CRACR2A: variants seen among roughly 807,000 people sequenced by gnomAD.
CRACR2A encodes the protein EF-hand calcium-binding domain-containing protein 4B.
CRACR2A carries 79 observed loss-of-function variants against 90.5 expected under a neutral mutation model. That is an observed-to-expected ratio of 0.87 (90% confidence interval 0.73 to 1.05). The LOEUF is 1.05. Among genes scored for constraint, CRACR2A ranks in the 50% least tolerant of loss-of-function variants. The pLI, the probability that CRACR2A is intolerant of heterozygous loss-of-function variation, is 0.00. For missense variants in CRACR2A, 823 were observed against 897.2 expected, an observed-to-expected ratio of 0.92 and a Z score of 1.06; for synonymous variants, 338 against 356.7, an observed-to-expected ratio of 0.95 and a Z score of 0.59.
intron 2 of CRACR2A, among the ~76,000 whole-genome samples, chr12:3,722,532 G>T (rs914234470): frequency 2.6e-5 from 4 of 152,116 alleles, no homozygotes; most frequent in African/African-American, 9.7e-5. Flanking sequence ...TGTGGAGCGA[G>T]GCTGGCATCT....
intron 18 of CRACR2A, among the ~76,000 whole-genome samples, chr12:3,617,519 T>C (rs1490128176): frequency 6.6e-6 from 1 of 152,202 alleles, no homozygotes; most frequent in Non-Finnish European, 1.5e-5. Flanking sequence ...TGGCATTCCA[T>C]AGGCCTTGGG....
intron 4 of CRACR2A, among the ~76,000 whole-genome samples, chr12:3,686,990 C>G (rs1352159892): frequency 6.6e-6 from 1 of 152,110 alleles, no homozygotes; most frequent in Non-Finnish European, 1.5e-5. Context: ...TGATTAAAAA[C>G]AGCTTAAGCA....
At chr12:3,692,513 G>C (rs1169407191) in intron 4 of CRACR2A, among the ~76,000 whole-genome samples, 1 of 151,036 alleles carries the variant, frequency 6.6e-6, no homozygotes, top group Non-Finnish European at 1.5e-5. Flanking sequence ...CACGCTGGGG[G>C]TGGGGGTGGG....
intron 7 of CRACR2A, among the ~76,000 whole-genome samples, chr12:3,668,751 C>T (rs1199753952): frequency 6.6e-6 from 1 of 152,182 alleles, no homozygotes; most frequent in African/African-American, 2.4e-5. Context: ...TGCACTCCCT[C>T]CTGGACTGGA....
At chr12:3,715,088 A>C (rs777153712) in intron 2 of CRACR2A, among the ~76,000 whole-genome samples, 15 of 152,226 alleles carry the variant, frequency 9.9e-5, no homozygotes, top group Non-Finnish European at 1.9e-4. Flanking sequence ...TAATTAATTC[A>C]TGCATTTATT....
intron 3 of CRACR2A, among the ~76,000 whole-genome samples, chr12:3,703,176 A>G (rs56180512): frequency 6.6e-6 from 1 of 152,012 alleles, no homozygotes; most frequent in South Asian, 2.1e-4. Flanking sequence ...TGCAAGCTCC[A>G]CCTCCCAGGT....
At chr12:3,619,175 C>A in intron 18 of CRACR2A, 96 bp downstream of exon 18, 1 of 965,268 alleles carries the variant, frequency 1.0e-6, no homozygotes. Context: ...TCCCATGGCA[C>A]TTCCAGAGAA....
chr12:3,678,842 A>G (rs1945387167), intron 6 of CRACR2A, 73 bp downstream of exon 6: 1 of 1,477,098 alleles, frequency 6.8e-7, no homozygotes, highest in African/African-American at 1.4e-5. Flanking sequence ...AACAAATGTT[A>G]ATTGTTGAAT....
At chr12:3,623,175 G>A (rs1002466811) in intron 17 of CRACR2A, among the ~76,000 whole-genome samples, 8 of 152,358 alleles carry the variant, frequency 5.3e-5, no homozygotes, top group Non-Finnish European at 1.5e-5. Context: ...TCTAGATCGG[G>A]TGGTGCTGCT....
intron 7 of CRACR2A, among the ~76,000 whole-genome samples, chr12:3,660,894 G>T (rs572208161): frequency 2.9e-5 from 4 of 137,300 alleles, no homozygotes; most frequent in South Asian, 2.3e-4. Flanking sequence ...ACACAATTTT[G>T]GCCCCTGCCA....
At chr12:3,745,261 T>G (rs369183582) in intron 1 of CRACR2A, among the ~76,000 whole-genome samples, 132 of 152,284 alleles carry the variant, frequency 8.7e-4, no homozygotes, top group African/African-American at 3.1e-3. Flanking sequence ...CTAGAGGTTC[T>G]TCTGCTGAAC....
At chr12:3,619,118 A>G (rs17770223) in intron 18 of CRACR2A, among the ~76,000 whole-genome samples, 153 bp downstream of exon 18, 9,709 of 152,244 alleles carry the variant, frequency 0.064, 359 homozygotes, top group Middle Eastern at 0.12. Context: ...ACAGGAGCTG[A>G]GCCATTCCCA....
chr12:3,623,764 G>C (rs1185315675), intron 17 of CRACR2A, among the ~76,000 whole-genome samples: 1 of 152,172 alleles, frequency 6.6e-6, no homozygotes, highest in Non-Finnish European at 1.5e-5. Context: ...AGGCCTGCAG[G>C]CAAGGTAAAG....
intron 3 of CRACR2A, among the ~76,000 whole-genome samples, chr12:3,699,506 T>C (rs1945799909): frequency 6.6e-6 from 1 of 152,204 alleles, no homozygotes; most frequent in Non-Finnish European, 1.5e-5. Flanking sequence ...ATAGACTCTG[T>C]AGTAATCAAC....
In CRACR2A at chr12:3,656,418, G is replaced by A. The variant is rs747551394; in HGVS notation, c.763-12C>T. On this transcript the variant is annotated splice_polypyrimidine_tract_variant and intron_variant, in intron 8 of 19. Coordinates refer to ENST00000440314, the MANE Select transcript of CRACR2A (RefSeq NM_001144958.2). ...AACCTCTCTGTGTCCTGCCAAGCCA[G>A]AAAGAGGGACACACAGGACCCAAAT... is the stretch of plus-strand genomic sequence containing the variant. 4.7e-5 allele frequency: 76 copies of A among 1,613,802 alleles called. No individual in the cohort carries two copies. The highest frequency in any genetic ancestry group is 6.3e-5 in the Non-Finnish European group (74 of 1,179,894).
At chr12:3,665,912 G>C (rs560606502) in intron 7 of CRACR2A, among the ~76,000 whole-genome samples, 1 of 152,282 alleles carries the variant, frequency 6.6e-6, no homozygotes, top group Non-Finnish European at 1.5e-5. Context: ...GTGTAATTTA[G>C]CATCTAAGAG....
chr12:3,640,877 C>T, intron 13 of CRACR2A: 2 of 1,250,098 alleles, frequency 1.6e-6, no homozygotes, highest in Non-Finnish European at 2.1e-6. Flanking sequence ...CAAGCTCAAT[C>T]ATGTGCTGCC....
chr12:3,742,694 T>C (rs1946547488), intron 1 of CRACR2A, among the ~76,000 whole-genome samples: 2 of 152,224 alleles, frequency 1.3e-5, no homozygotes, highest in African/African-American at 4.8e-5. Flanking sequence ...CCTCAGACAC[T>C]GTCTATAAGA....
chr12:3,753,093 C>T lies in CRACR2A; in HGVS notation c.-465G>A, dbSNP rs58844935. The T allele has an allele frequency of 0.13, 19,996 of 152,390 alleles. 1,401 individuals are homozygous for T. Among genetic ancestry groups the T allele is most frequent in the East Asian group, 0.2 (1,047 of 5,176 alleles). The allele number at this position is 152,390 out of a possible 1,614,324, so 9.4% of individuals were successfully genotyped here. On this transcript the variant is annotated 5_prime_UTR_variant, in exon 1 of 20. Transcript: ENST00000440314. ...GCTGTCAAGCAGCCGCCTGCTCCGC[C>T]CGACTCTTTCCGCTCCGAGCCGCGC...
Sources: allele counts gnomAD v4.1 joint callset (sites outside exome capture counted in the v4.1 genomes callset), GRCh38; gene constraint gnomAD v4.1.1; transcripts MANE v1.5; gene names NCBI Gene and HGNC (gene_info 2026-07-23, HGNC 2026-07-21).